Variants in MRPS28 observed in about 807,000 individuals in gnomAD.
MRPS28 encodes the protein small ribosomal subunit protein bS1m.
A neutral mutation model predicts 10.8 loss-of-function variants in MRPS28; 7 were observed. The observed-to-expected ratio is 0.65, with a 90% CI of 0.37 to 1.22. The LOEUF (loss-of-function observed/expected upper bound fraction) is 1.22. Among genes scored for constraint, MRPS28 ranks in the 50% most tolerant of loss-of-function variants. MRPS28 has a pLI of 0.02. For synonymous variants in MRPS28, 121 were observed against 93.3 expected (o/e 1.30, Z -1.71); for missense variants, 265 against 232.9 (o/e 1.14, Z -0.90).
At chr8:80,015,315 T>C (rs1037683358) in intron 1 of MRPS28, among the ~76,000 whole-genome samples, 2 of 152,200 alleles carry the variant, frequency 1.3e-5, no homozygotes, top group Non-Finnish European at 2.9e-5. Flanking sequence ...ATTAAGCACA[T>C]ATATAAAACT....
chr8:79,966,754 T>A (rs147642140), intron 2 of MRPS28, among the ~76,000 whole-genome samples: 6 of 152,280 alleles, frequency 3.9e-5, no homozygotes, highest in Middle Eastern at 3.4e-3. Flanking sequence ...GCTTTTGTCA[T>A]TCATAGAATA....
chr8:79,921,954 C>G (rs1173075989), intron 2 of MRPS28, among the ~76,000 whole-genome samples: 1 of 152,120 alleles, frequency 6.6e-6, no homozygotes, highest in African/African-American at 2.4e-5. Context: ...TGAGATACGT[C>G]CCATCAATAC....
Position 79,944,202 on chromosome 8 carries a change from C to T in MRPS28, c.396-25054G>A, listed in dbSNP as rs563205607. On this transcript the variant is annotated intron_variant, in intron 2 of 2. Transcript: ENST00000276585. ...AGATCTGACTCATCCTTTCAGAATG[C>T]AGTGGAGCATGGATGTTTTTTCCTT... is the stretch of plus-strand genomic sequence containing the variant. Among the ~76,000 whole-genome samples, 5 of 152,296 alleles carry T rather than the reference C, an allele frequency of 3.3e-5. No homozygotes were observed. In the South Asian group the frequency reaches 1.0e-3, roughly 32 times the overall value.
chr8:79,922,259 GATCTCTC>G (rs1390295824), intron 2 of MRPS28, among the ~76,000 whole-genome samples: 1 of 152,150 alleles, frequency 6.6e-6, no homozygotes, highest in Non-Finnish European at 1.5e-5. Flanking sequence ...AACCCCACAT[GATCTCTC>G]ACTTATATGT....
intron 2 of MRPS28, among the ~76,000 whole-genome samples, chr8:79,975,368 C>T (rs1807766937): frequency 6.6e-6 from 1 of 152,232 alleles, no homozygotes; most frequent in African/African-American, 2.4e-5. Flanking sequence ...CAGACCACTA[C>T]TTTTACAAAG....
At chr8:79,922,473 C>A (rs1810120213) in intron 2 of MRPS28, among the ~76,000 whole-genome samples, 2 of 152,084 alleles carry the variant, frequency 1.3e-5, no homozygotes, top group African/African-American at 4.8e-5. Flanking sequence ...ATTTTGTGTT[C>A]TCATCATCAA....
intron 2 of MRPS28, among the ~76,000 whole-genome samples, chr8:79,943,013 T>C (rs934439464): frequency 6.6e-6 from 1 of 152,240 alleles, no homozygotes; most frequent in African/African-American, 2.4e-5. Flanking sequence ...TCACTCCAAG[T>C]GGTCAGGATC....
chr8:80,017,017 T>A (rs1041280712), intron 1 of MRPS28, among the ~76,000 whole-genome samples: 2 of 152,110 alleles, frequency 1.3e-5, no homozygotes, highest in African/African-American at 2.4e-5. Flanking sequence ...TCATGCCACA[T>A]GAAACAGTCA....
chr8:79,971,162 A>T (rs1429730390), intron 2 of MRPS28, among the ~76,000 whole-genome samples: 1 of 152,180 alleles, frequency 6.6e-6, no homozygotes, highest in Non-Finnish European at 1.5e-5. Context: ...TCATTTCCTC[A>T]AAATTTAAAT....
intron 1 of MRPS28, among the ~76,000 whole-genome samples, chr8:80,027,549 G>A (rs751293628): frequency 6.6e-6 from 1 of 152,010 alleles, no homozygotes; most frequent in Non-Finnish European, 1.5e-5. Context: ...AGAGCAATAA[G>A]TAAATAACCT....
chr8:80,028,423 T>A (rs1281958225), intron 1 of MRPS28, among the ~76,000 whole-genome samples: 1 of 152,024 alleles, frequency 6.6e-6, no homozygotes, highest in African/African-American at 2.4e-5. Flanking sequence ...TCATCGCTAT[T>A]CTGCTAGTAT....
At chr8:80,019,378 T>C (rs764297697) in intron 1 of MRPS28, among the ~76,000 whole-genome samples, 2 of 150,430 alleles carry the variant, frequency 1.3e-5, no homozygotes, top group Admixed American at 6.7e-5. Flanking sequence ...ATCACATCAA[T>C]TGGCTAAAGA....
intron 2 of MRPS28, among the ~76,000 whole-genome samples, chr8:79,982,546 G>C (rs1440326576): frequency 6.6e-6 from 1 of 152,144 alleles, no homozygotes; most frequent in African/African-American, 2.4e-5. Flanking sequence ...CTGGAAAATG[G>C]GGTCACTCCC....
intron 2 of MRPS28, among the ~76,000 whole-genome samples, chr8:79,997,122 C>T (rs893330140): frequency 2.6e-5 from 4 of 151,978 alleles, no homozygotes; most frequent in Non-Finnish European, 1.5e-5. Context: ...AGAAAGGAAA[C>T]AATCAAGTCT....
intron 2 of MRPS28, among the ~76,000 whole-genome samples, chr8:79,987,366 A>G (rs573371413): frequency 1.3e-5 from 2 of 152,318 alleles, no homozygotes; most frequent in East Asian, 1.9e-4. Context: ...ATAGGCATGG[A>G]AAAGGACTTC....
intron 2 of MRPS28, among the ~76,000 whole-genome samples, chr8:79,979,172 CG>C (rs1807882586): frequency 6.6e-6 from 1 of 152,082 alleles, no homozygotes; most frequent in African/African-American, 2.4e-5. Context: ...CTTTATAATA[CG>C]GGAGCCTTTA....
chr8:79,947,304 T>C (rs1195010444), intron 2 of MRPS28, among the ~76,000 whole-genome samples: 1 of 152,244 alleles, frequency 6.6e-6, no homozygotes, highest in Non-Finnish European at 1.5e-5. Context: ...CATCTTTCCA[T>C]ATGCCAATAC....
intron 2 of MRPS28, among the ~76,000 whole-genome samples, chr8:79,990,859 C>T (rs999110810): frequency 5.3e-5 from 8 of 151,178 alleles, no homozygotes; most frequent in African/African-American, 1.2e-4. Context: ...CTGGGCATGG[C>T]GCGCGCCTGT....
chr8:79,932,405 T>A (rs1806486446), intron 2 of MRPS28, among the ~76,000 whole-genome samples: 1 of 152,160 alleles, frequency 6.6e-6, no homozygotes, highest in Non-Finnish European at 1.5e-5. Context: ...GCAGAGCTTT[T>A]CAGGCAGCAG....
Sources: allele counts gnomAD v4.1 joint callset (sites outside exome capture counted in the v4.1 genomes callset), GRCh38; gene constraint gnomAD v4.1.1; transcripts MANE v1.5; gene names NCBI Gene and HGNC (gene_info 2026-07-23, HGNC 2026-07-21).